CCN5: variants seen among roughly 807,000 people sequenced by gnomAD.
CCN5 encodes CCN family member 5.
CCN5 carries 17 observed loss-of-function variants against 18.7 expected under a neutral mutation model. The observed-to-expected ratio is 0.91, with a 90% CI of 0.62 to 1.36. The LOEUF is 1.36. Ranked by LOEUF, CCN5 falls within the 40% of genes most tolerant of loss-of-function variation. The pLI is 0.00. For synonymous variants in CCN5, 135 were observed against 145.2 expected (o/e 0.93, Z 0.50); for missense variants, 367 against 342.9 (o/e 1.07, Z -0.56).
At chr20:44,719,135 C>T (rs2065879909) in intron 1 of CCN5, among the ~76,000 whole-genome samples, 1 of 152,132 alleles carries the variant, frequency 6.6e-6, no homozygotes, top group Non-Finnish European at 1.5e-5. Context: ...CTGTAAGCTC[C>T]CAGAGGGCTG....
rs200645273 is a variant in CCN5 at position 44,722,455 on chromosome 20, A to ATC, written c.278-2273_278-2272dup. ...TGGGAGTCGTTCTAGAGGTCTCTCT[A>ATC]TCTCTCTCTCTTTTTTTTTTTTTTT... On this transcript the variant is annotated intron_variant, in intron 2 of 3. Transcript: ENST00000190983. Among the ~76,000 whole-genome samples, 1,032 of 130,768 alleles carry ATC rather than the reference A, an allele frequency of 7.9e-3. 167 individuals carry two copies. Among genetic ancestry groups the ATC allele is most frequent in the Middle Eastern group, 0.031 (8 of 260 alleles). 85.8% of individuals were successfully genotyped at this position (130,768 alleles called of 152,430 possible).
intron 1 of CCN5, among the ~76,000 whole-genome samples, chr20:44,718,009 C>T (rs1333156506): frequency 5.3e-5 from 8 of 152,310 alleles, no homozygotes; most frequent in East Asian, 1.9e-4. Context: ...CTAGATGACG[C>T]TGCTGCTGCT....
intron 2 of CCN5, among the ~76,000 whole-genome samples, chr20:44,723,500 G>A (rs2065914009): frequency 6.6e-6 from 1 of 152,028 alleles, no homozygotes; most frequent in Admixed American, 6.5e-5. Flanking sequence ...AAGTATGTGT[G>A]GTTTTGGTTC....
intron 1 of CCN5, among the ~76,000 whole-genome samples, chr20:44,718,663 C>G (rs1248221955): frequency 6.6e-6 from 1 of 152,148 alleles, no homozygotes. Context: ...ACACAGTCTA[C>G]CCCCATCCCG....
At chr20:44,720,216 T>G in intron 2 of CCN5, 103 bp downstream of exon 2, 1 of 1,260,992 alleles carries the variant, frequency 7.9e-7, no homozygotes, top group Non-Finnish European at 1.1e-6. Flanking sequence ...CCTCCTTGGG[T>G]GCTCACTTCA....
intron 2 of CCN5, chr20:44,720,970 G>T (rs2065895104): frequency 1.3e-5 from 2 of 152,216 alleles, no homozygotes; most frequent in Non-Finnish European, 2.9e-5. Context: ...ATGACAGTCT[G>T]TCTTCAGACA....
intron 1 of CCN5, among the ~76,000 whole-genome samples, chr20:44,717,825 G>A (rs1157555979): frequency 6.6e-6 from 1 of 150,654 alleles, no homozygotes; most frequent in East Asian, 2.0e-4. Context: ...GTTGCAGTGA[G>A]TCGAGATCGT....
At chr20:44,724,605 C>T in intron 2 of CCN5, 133 bp from the exon 3 acceptor site, 3 of 1,409,778 alleles carry the variant, frequency 2.1e-6, no homozygotes, top group Non-Finnish European at 9.5e-7. Context: ...AGGTGCATAT[C>T]CTGGGCTGGA....
chr20:44,724,554 G>A, intron 2 of CCN5, 184 bp from the exon 3 acceptor site: 1 of 863,888 alleles, frequency 1.2e-6, no homozygotes, highest in Non-Finnish European at 1.7e-6. Flanking sequence ...CCCTGTGCCG[G>A]GATCCAGGGT....
upstream of CCN5, chr20:44,715,296 T>G (rs2065851323): frequency 7.0e-6 from 8 of 1,145,444 alleles, 1 homozygote; most frequent in Non-Finnish European, 1.0e-5. Context: ...TACTCGTGCG[T>G]GTGCCTGTGT....
upstream of CCN5, chr20:44,715,253 G>T: frequency 1.1e-5 from 5 of 439,462 alleles, no homozygotes; most frequent in Non-Finnish European, 4.0e-6. Flanking sequence ...GTGTGTGTGT[G>T]TGTGTGTGAG....
At chr20:44,725,908 A>G (rs2065933231) in intron 3 of CCN5, among the ~76,000 whole-genome samples, 1 of 152,086 alleles carries the variant, frequency 6.6e-6, no homozygotes, top group Admixed American at 6.6e-5. Context: ...GTGACTTTCT[A>G]AAAAAGGCAA....
In CCN5 at chr20:44,720,121, G is replaced by A. The variant is rs768979363; in HGVS notation, c.277+8G>A. ...GGGGGGCCCTGTGCCTCTGTAAGCA[G>A]GTTTGCAGGACTGAGTGGGGGCGGG... is the stretch of plus-strand genomic sequence containing the variant. On this transcript the variant is annotated splice_region_variant and intron_variant, in intron 2 of 3. Transcript: ENST00000190983. 1.9e-5 allele frequency: 29 copies of A among 1,542,644 alleles called. No individual in the cohort carries two copies. Among genetic ancestry groups the A allele is most frequent in the Non-Finnish European group, 2.4e-5 (28 of 1,150,162 alleles).
At chr20:44,723,870 A>G (rs2065917121) in intron 2 of CCN5, 1 of 152,272 alleles carries the variant, frequency 6.6e-6, no homozygotes, top group Admixed American at 6.5e-5. Context: ...CTCATGTGCC[A>G]AGGCTTATGC....
chr20:44,719,817 T>C, intron 1 of CCN5, 80 bp from the exon 2 acceptor site: 1 of 1,449,670 alleles, frequency 6.9e-7, no homozygotes, highest in Non-Finnish European at 9.4e-7. Flanking sequence ...CTACCCAGCC[T>C]GGCAGAGAAG....
At chr20:44,725,098 C>A in intron 3 of CCN5, 106 bp downstream of exon 3, 1 of 1,384,708 alleles carries the variant, frequency 7.2e-7, no homozygotes, top group Non-Finnish European at 9.4e-7. Context: ...GACCCAGGGA[C>A]ACATCAGAAG....
At position 44,727,221 on chromosome 20, in the gene CCN5, T is replaced by C. The variant is rs1430042546; in HGVS notation, c.667T>C (p.Cys223Arg). 1.2e-6 allele frequency: 2 copies of C among 1,613,734 alleles called. No homozygotes were observed. Residue 223 changes from cysteine to arginine, a missense_variant, in exon 4 of 4, where the codon TGC (cysteine) becomes CGC (arginine). Coordinates refer to ENST00000190983, the MANE Select transcript of CCN5 (RefSeq NM_003881.4). ...CCGGGTGTCCAACCAGAACCGCTTC[T>C]GCCGACTGGAGACCCAGCGCCGCCT... ...ATRVSNQNRFCRLETQRRLCL... is the reference protein window; with the variant it reads ...ATRVSNQNRFRRLETQRRLCL...
chr20:44,720,197 C>T, intron 2 of CCN5, 84 bp downstream of exon 2: 2 of 1,372,602 alleles, frequency 1.5e-6, no homozygotes, highest in Non-Finnish European at 2.0e-6. Flanking sequence ...TGCAGCCCTC[C>T]TCTCTCTACC....
chr20:44,719,929 C>T lies in CCN5; in HGVS notation c.93C>T (p.Thr31=). The part of the protein sequence containing the change: ...VRTQLCPTPC[T]CPWPPPRCPL... ...CCCAGCTGTGCCCGACACCATGTACCTGCCCCTGGCCACCTCCCCGATGCC... is the reference window on the plus strand; with the variant it reads ...CCCAGCTGTGCCCGACACCATGTACTTGCCCCTGGCCACCTCCCCGATGCC... The change falls in exon 2 of 4, where the codon ACC becomes ACT. Residue 31 remains threonine (T), a synonymous_variant. Coordinates refer to ENST00000190983, the MANE Select transcript of CCN5 (RefSeq NM_003881.4). 6.2e-7 allele frequency: 1 copy of T among 1,613,918 alleles called. No homozygotes were observed. The highest frequency in any genetic ancestry group is 8.5e-7 in the Non-Finnish European group (1 of 1,179,952).
Sources: gnomAD v4.1 joint callset for allele counts (sites outside exome capture counted in the v4.1 genomes callset) on GRCh38, gnomAD v4.1.1 for gene constraint, MANE v1.5 for transcripts, NCBI Gene and HGNC (gene_info 2026-07-23, HGNC 2026-07-21) for gene names.